Variants in COL14A1 observed in about 807,000 individuals in gnomAD.
The protein encoded by COL14A1 is collagen alpha-1(XIV) chain.
In COL14A1, 136 loss-of-function variants were observed where a neutral mutation model predicts 230.3. The observed-to-expected ratio is 0.59, with a 90% CI of 0.51 to 0.68. The LOEUF (loss-of-function observed/expected upper bound fraction) is 0.68. Among genes scored for constraint, COL14A1 ranks in the 30% least tolerant of loss-of-function variants. The probability of loss-of-function intolerance (pLI) is 0.00; values close to 1 mark genes in which losing one functional copy is unlikely to be tolerated. For missense variants in COL14A1, 1,976 were observed against 2,215.8 expected, an observed-to-expected ratio of 0.89 and a Z score of 2.17; for synonymous variants, 792 against 784.1, an observed-to-expected ratio of 1.01 and a Z score of -0.17.
At chr8:120,163,281 TA>T (rs918532086) in intron 4 of COL14A1, among the ~76,000 whole-genome samples, 5 of 152,114 alleles carry the variant, frequency 3.3e-5, no homozygotes, top group African/African-American at 1.2e-4. Context: ...TCTGCCCGAG[TA>T]ATGGGCTGTG....
chr8:120,172,711 G>T (rs1816134420), intron 5 of COL14A1, among the ~76,000 whole-genome samples: 1 of 152,194 alleles, frequency 6.6e-6, no homozygotes, highest in African/African-American at 2.4e-5. Context: ...TTAGGCCAAT[G>T]TACAACTTTC....
chr8:120,128,226 CGCGTGTGT>C (rs111884536), intron 1 of COL14A1, among the ~76,000 whole-genome samples: 121 of 100,584 alleles, frequency 1.2e-3, no homozygotes, highest in African/African-American at 4.0e-3. Flanking sequence ...TGTGTGCGCG[CGCGTGTGT>C]GTGTGTGTGT....
At chr8:120,141,601 C>G (rs1174619524) in intron 1 of COL14A1, among the ~76,000 whole-genome samples, 5 of 152,146 alleles carry the variant, frequency 3.3e-5, no homozygotes, top group South Asian at 4.2e-4. Flanking sequence ...GCTATGGTTA[C>G]AATGCTTTTT....
At chr8:120,325,032 A>G (rs1821610491) in intron 40 of COL14A1, among the ~76,000 whole-genome samples, 2 of 152,196 alleles carry the variant, frequency 1.3e-5, no homozygotes, top group Non-Finnish European at 2.9e-5. Flanking sequence ...GAAGTTAAGA[A>G]ATGTTTAATT....
At chr8:120,179,953 G>T (rs1182237873) in intron 5 of COL14A1, among the ~76,000 whole-genome samples, 1 of 152,114 alleles carries the variant, frequency 6.6e-6, no homozygotes, top group Non-Finnish European at 1.5e-5. Flanking sequence ...ATGGGGAAAG[G>T]ATTTCCTATT....
In COL14A1 at chr8:120,371,599, T is replaced by A. The variant is rs1340977793; in HGVS notation, c.*368T>A. 2.5e-6 allele frequency: 1 copy of A among 398,468 alleles called. No individual in the cohort carries two copies. Among genetic ancestry groups the A allele is most frequent in the African/African-American group, 2.1e-5 (1 of 48,590 alleles). 24.7% of individuals were successfully genotyped at this position (398,468 alleles called of 1,614,324 possible). A position where few individuals can be genotyped will look rare whatever the true frequency, so the allele number is the denominator to read the frequency against. ...GATATGATTGTGTTTGAGGGAAATA[T>A]GTCCCTAGCAGGAAAAGAATTCAAA... is the stretch of plus-strand genomic sequence containing the variant. On this transcript the variant is annotated 3_prime_UTR_variant, in exon 48 of 48. Coordinates refer to ENST00000297848, the MANE Select transcript of COL14A1 (RefSeq NM_021110.4).
chr8:120,332,296 A>T, intron 41 of COL14A1, 102 bp downstream of exon 41: 1 of 1,119,012 alleles, frequency 8.9e-7, no homozygotes, highest in Non-Finnish European at 1.3e-6. Context: ...AGCCGTCTTC[A>T]CTATAGTGTG....
rs554037481 is a variant in COL14A1 at position 120,331,213 on chromosome 8, C to A, written c.4660-928C>A. On this transcript the variant is annotated intron_variant, in intron 40 of 47. Transcript: ENST00000297848. ...ATGTCAGAAAGGGAATTGGGAGAGT[C>A]TGCAAAGATGCCAGGAGAAGTTTGA... Among the ~76,000 whole-genome samples, 8 of 151,580 alleles carry A rather than the reference C, an allele frequency of 5.3e-5. No individual in the cohort carries two copies. In the South Asian group the frequency reaches 1.7e-3, roughly 32 times the overall value.
intron 18 of COL14A1, 36 bp from the exon 19 acceptor site, chr8:120,231,431 T>C (rs1459659489): frequency 6.2e-7 from 1 of 1,604,346 alleles, no homozygotes; most frequent in African/African-American, 1.3e-5. Flanking sequence ...TATGATATGT[T>C]AAAAGTTTTT....
Position 120,212,540 on chromosome 8 carries a change from A to C in COL14A1, c.1560A>C (p.Glu520Asp). Residue 520 changes from glutamate to aspartate, a missense_variant, in exon 13 of 48, where the codon GAA (glutamate) becomes GAC (aspartate). By Grantham distance (45) the Glu-to-Asp change is conservative. Around this residue, in one of 3 missense-constraint regions of COL14A1, gnomAD observed 1,791 missense variants for 2,019.5 expected, o/e 0.89. Transcript: ENST00000297848. ...YTVTVYAMFG[E>D]EASDPVTGQE... ...TCACAGTTTATGCCATGTTTGGAGA[A>C]GAGGCCAGTGATCCTGTTACGGGAC... The C allele has an allele frequency of 1.2e-6, 2 of 1,613,718 alleles. No individual in the cohort carries two copies. The highest frequency in any genetic ancestry group is 1.7e-6 in the Non-Finnish European group (2 of 1,179,716).
At chr8:120,135,089 G>T (rs1257186586) in intron 1 of COL14A1, among the ~76,000 whole-genome samples, 2 of 152,144 alleles carry the variant, frequency 1.3e-5, no homozygotes, top group African/African-American at 4.8e-5. Context: ...TGAAAGATGT[G>T]CAGTCATACT....
In COL14A1 at chr8:120,372,155, C is replaced by T. The variant is rs1348178081; in HGVS notation, c.*924C>T. ...TTAGGTAAGCATTCAAACTTTCATT[C>T]ATTCGTTTACTCACTCACTCATTCA... On this transcript the variant is annotated 3_prime_UTR_variant, in exon 48 of 48. Coordinates refer to ENST00000297848, the MANE Select transcript of COL14A1 (RefSeq NM_021110.4). 2 of 152,278 alleles carry T rather than the reference C, an allele frequency of 1.3e-5. No individual in the cohort carries two copies. The highest frequency in any genetic ancestry group is 4.8e-5 in the African/African-American group (2 of 41,450). The allele number at this position is 152,278 out of a possible 1,614,324, so 9.4% of individuals were successfully genotyped here. A position where few individuals can be genotyped will look rare whatever the true frequency, so the allele number is the denominator to read the frequency against.
chr8:120,345,142 G>A (rs1822454005), intron 44 of COL14A1, among the ~76,000 whole-genome samples: 1 of 152,170 alleles, frequency 6.6e-6, no homozygotes, highest in South Asian at 2.1e-4. Context: ...GACATGAGCT[G>A]CAGAATTCCA....
chr8:120,301,448 T>C (rs1379737682), intron 36 of COL14A1, among the ~76,000 whole-genome samples: 4 of 152,146 alleles, frequency 2.6e-5, no homozygotes, highest in African/African-American at 9.7e-5. Context: ...AGTGAAATCA[T>C]GTGGTATTTG....
intron 36 of COL14A1, among the ~76,000 whole-genome samples, chr8:120,307,466 C>T (rs964197464): frequency 6.6e-6 from 1 of 152,114 alleles, no homozygotes; most frequent in Non-Finnish European, 1.5e-5. Context: ...GTACACTCCA[C>T]GATGTTCACA....
intron 19 of COL14A1, among the ~76,000 whole-genome samples, chr8:120,243,030 T>C (rs1586797644): frequency 6.6e-6 from 1 of 152,216 alleles, no homozygotes; most frequent in African/African-American, 2.4e-5. Context: ...CTAGCACTTT[T>C]CCAGCCATGA....
chr8:120,228,643 CT>C, intron 17 of COL14A1, 66 bp from the exon 18 acceptor site: 2 of 1,217,764 alleles, frequency 1.6e-6, no homozygotes, highest in Non-Finnish European at 2.4e-6. Flanking sequence ...TCTTTGAAAG[CT>C]ACAACATGCT....
intron 8 of COL14A1, among the ~76,000 whole-genome samples, chr8:120,200,221 T>C (rs867317729): frequency 6.6e-6 from 1 of 152,040 alleles, no homozygotes; most frequent in African/African-American, 2.4e-5. Flanking sequence ...CAAGCAACAC[T>C]GAAACACAAA....
chr8:120,227,173 T>A lies in COL14A1; in HGVS notation c.2005-47T>A, dbSNP rs16893685. On this transcript the variant is annotated intron_variant, in intron 16 of 47. Transcript: ENST00000297848. ...GCTCAGAATAACACTTTTTCTTTAC[T>A]TTTTTTTCAAATAAGCATAGTTACT... 2,109 of 1,580,572 alleles carry A rather than the reference T, an allele frequency of 1.3e-3. 31 individuals are homozygous for A. The African/African-American group carries it at 0.025, about 19-fold the overall frequency.
Sources: gnomAD v4.1 joint callset for allele counts (sites outside exome capture counted in the v4.1 genomes callset) on GRCh38, gnomAD v4.1.1 for gene constraint, gnomAD v4.1.1 regional missense constraint, MANE v1.5 for transcripts, NCBI Gene and HGNC (gene_info 2026-07-23, HGNC 2026-07-21) for gene names.